Variants in AVEN observed in about 807,000 individuals in gnomAD.
The protein encoded by AVEN is cell death regulator Aven.
In AVEN, 41 loss-of-function variants were observed where a neutral mutation model predicts 38.1. The observed-to-expected ratio is 1.08, with a 90% CI of 0.84 to 1.40. The LOEUF (loss-of-function observed/expected upper bound fraction) is 1.40. Among genes scored for constraint, AVEN ranks in the 40% most tolerant of loss-of-function variants. The pLI, the probability that AVEN is intolerant of heterozygous loss-of-function variation, is 0.00. For missense variants in AVEN, 605 were observed against 438.8 expected (o/e 1.38, Z -3.38); for synonymous variants, 206 against 171.8 (o/e 1.20, Z -1.56).
intron 2 of AVEN, among the ~76,000 whole-genome samples, chr15:33,932,873 G>A (rs1490302595): frequency 1.2e-5 from 1 of 84,978 alleles, no homozygotes; most frequent in South Asian, 3.8e-4. Flanking sequence ...AAAAATTGTA[G>A]ATCTTGACAC....
chr15:33,961,705 C>T (rs1038478007), intron 2 of AVEN, among the ~76,000 whole-genome samples: 156 of 147,388 alleles, frequency 1.1e-3, no homozygotes, highest in Middle Eastern at 3.5e-3. Flanking sequence ...CCCAGCTACT[C>T]GGGAGGCTGA....
intron 2 of AVEN, among the ~76,000 whole-genome samples, chr15:33,956,109 C>T (rs1370296332): frequency 2.0e-5 from 3 of 152,122 alleles, no homozygotes; most frequent in African/African-American, 4.8e-5. Flanking sequence ...TCTGCCTCCG[C>T]GGTGACCAGC....
intron 2 of AVEN, among the ~76,000 whole-genome samples, chr15:33,888,762 G>A (rs942174633): frequency 6.6e-6 from 1 of 151,976 alleles, no homozygotes; most frequent in African/African-American, 2.4e-5. Context: ...TTTTGTGTGT[G>A]TGTGTGTGAG....
At chr15:33,874,172 T>G (rs1362539034) in intron 3 of AVEN, among the ~76,000 whole-genome samples, 2 of 152,218 alleles carry the variant, frequency 1.3e-5, no homozygotes, top group Non-Finnish European at 1.5e-5. Flanking sequence ...CATCAGGAAC[T>G]GCACTCAAGG....
At chr15:33,873,817 G>C (rs886878073) in intron 3 of AVEN, among the ~76,000 whole-genome samples, 1 of 152,016 alleles carries the variant, frequency 6.6e-6, no homozygotes, top group African/African-American at 2.4e-5. Context: ...AGTTACTCAA[G>C]CTAGAAAGCA....
intron 2 of AVEN, among the ~76,000 whole-genome samples, chr15:33,933,524 C>CACACACACAG (rs1893945145): frequency 3.4e-4 from 16 of 46,648 alleles, no homozygotes; most frequent in East Asian, 7.1e-4. Context: ...CACACACACA[C>CACACACACAG]AGAGAGAGAG....
At chr15:33,881,089 TA>T (rs1189870781) in intron 2 of AVEN, among the ~76,000 whole-genome samples, 1 of 152,198 alleles carries the variant, frequency 6.6e-6, no homozygotes, top group African/African-American at 2.4e-5. Context: ...AATTTTATTT[TA>T]TTTTTTTATT....
In AVEN at chr15:34,038,883, C is replaced by T; in HGVS notation, c.164G>A (p.Arg55His). 2 of 1,140,264 alleles carry T rather than the reference C, an allele frequency of 1.8e-6. No homozygotes were observed. The highest frequency in any genetic ancestry group is 2.1e-6 in the Non-Finnish European group (2 of 933,704). 70.6% of individuals were successfully genotyped at this position (1,140,264 alleles called of 1,614,324 possible). ...GCGAGCGCCGCGGAAGCCCCGGCCA[C>T]GGCCACGGCCCCGGCGTCCGCCTCC... The part of the protein sequence containing the change: ...GDGGGRRGRG[R>H]GRGFRGARGG... The change falls in exon 1 of 6, where the codon CGT becomes CAT. Residue 55 changes from arginine (R) to histidine (H), a missense_variant. By Grantham distance (29) the Arg-to-His change is conservative (BLOSUM62 0). Transcript: ENST00000306730.
intron 2 of AVEN, among the ~76,000 whole-genome samples, chr15:33,953,625 T>C (rs1007512817): frequency 1.3e-5 from 2 of 152,162 alleles, no homozygotes; most frequent in Admixed American, 6.5e-5. Flanking sequence ...TTATACTTTA[T>C]ACAAAAATTA....
chr15:34,063,867 G>A lies in AVEN; in HGVS notation n.1127-435C>T. The A allele has an allele frequency of 1.2e-6, 2 of 1,614,192 alleles. No individual in the cohort carries two copies. Among genetic ancestry groups the A allele is most frequent in the Non-Finnish European group, 1.7e-6 (2 of 1,180,036 alleles). ...ATGTGTGGCCTATAAGTTCCGATTG[G>A]TGGTAAAAGCTGACGGGAACCAGGA... On this transcript the variant is annotated intron_variant and non_coding_transcript_variant, in intron 4 of 11. Transcript: ENST00000675287. The surrounding 1 kb of genome is among the most constrained non-coding windows in gnomAD (Gnocchi z 4.1).
chr15:33,956,308 GC>G (rs1198796426), intron 2 of AVEN, among the ~76,000 whole-genome samples: 2 of 152,100 alleles, frequency 1.3e-5, no homozygotes, highest in East Asian at 3.8e-4. Context: ...AACTTGAAAT[GC>G]CCTTCTTCTC....
intron 1 of AVEN, among the ~76,000 whole-genome samples, chr15:34,025,538 G>A (rs1898417975): frequency 1.3e-5 from 2 of 152,148 alleles, no homozygotes; most frequent in East Asian, 1.9e-4. Context: ...AATAAAGGAC[G>A]TTATTGGGTC....
chr15:34,043,904 GT>G (rs1899583172), upstream of AVEN, among the ~76,000 whole-genome samples: 5 of 152,022 alleles, frequency 3.3e-5, no homozygotes, highest in South Asian at 1.0e-3. Context: ...CTTCCTGTTA[GT>G]ATAGAGGGGT....
chr15:33,891,756 G>C (rs1399022626), intron 2 of AVEN, among the ~76,000 whole-genome samples: 1 of 152,148 alleles, frequency 6.6e-6, no homozygotes, highest in Non-Finnish European at 1.5e-5. Flanking sequence ...GTAGTGGGAT[G>C]GCTGGGTCAA....
chr15:34,003,158 C>T lies in AVEN; in HGVS notation c.319G>A (p.Gly107Arg). The T allele has an allele frequency of 6.2e-7, 1 of 1,613,660 alleles. No homozygotes were observed. Among genetic ancestry groups the T allele is most frequent in the Non-Finnish European group, 8.5e-7 (1 of 1,179,888 alleles). Residue 107 changes from glycine (G) to arginine (R), a missense_variant, in exon 2 of 6, where the codon GGA becomes AGA. Transcript: ENST00000306730. ...ACAATCTTTCTTTTAGAATAATTTC[C>T]CTGTTCATCATTCTCTTCTCCATAG... ...ETYGEENDEQ[G>R]NYSKRKIVSN...
chr15:34,001,981 C>T (rs1174550439), intron 2 of AVEN, among the ~76,000 whole-genome samples: 2 of 152,162 alleles, frequency 1.3e-5, no homozygotes, highest in African/African-American at 2.4e-5. Context: ...TCTTTTTAAC[C>T]TGGCAATAAT....
intron 2 of AVEN, among the ~76,000 whole-genome samples, chr15:33,953,756 T>C (rs1219510107): frequency 6.6e-6 from 1 of 152,028 alleles, no homozygotes; most frequent in Admixed American, 6.6e-5. Context: ...AAAACACCAA[T>C]AGCAATGGCA....
chr15:33,866,761 GATGAGTCCTAAAATT>G (rs1567382629), intron 5 of AVEN, 33 bp from the exon 6 acceptor site: 1 of 1,466,896 alleles, frequency 6.8e-7, no homozygotes, highest in Non-Finnish European at 9.5e-7. Flanking sequence ...AACACCCTCA[GATGAGTCCTAAAATT>G]GAAGGTATAA....
In AVEN at chr15:33,933,520, CACACAGAGAG is replaced by C. The variant is rs1237240980; in HGVS notation, c.446-57535_446-57526del. Among the ~76,000 whole-genome samples the C allele has an allele frequency of 2.6e-3, 217 of 82,292 alleles. 2 individuals carry two copies. The highest frequency in any genetic ancestry group is 6.3e-3 in the Middle Eastern group (1 of 160). 54.0% of individuals were successfully genotyped at this position (82,292 alleles called of 152,430 possible). ...ACACACACACACACACACACACACA[CACACAGAGAG>C]AGAGAGAGAGAGAGAGAGAGAGAGA... is the stretch of plus-strand genomic sequence containing the variant. On this transcript the variant is annotated intron_variant, in intron 2 of 5. Coordinates refer to ENST00000306730, the MANE Select transcript of AVEN (RefSeq NM_020371.3).
Sources: allele counts gnomAD v4.1 joint callset (sites outside exome capture counted in the v4.1 genomes callset), GRCh38; gene constraint gnomAD v4.1.1; non-coding constraint Gnocchi (gnomAD v3.1); transcripts MANE v1.5; gene names NCBI Gene and HGNC (gene_info 2026-07-23, HGNC 2026-07-21).